The following ARMC2 variants were observed in gnomAD, a reference collection of about 807,000 sequenced individuals.
ARMC2 encodes armadillo repeat containing 2.
A neutral mutation model predicts 90.3 loss-of-function variants in ARMC2; 67 were observed. That is an observed-to-expected ratio of 0.74 (90% CI 0.61 to 0.91). The LOEUF is 0.91. Among genes scored for constraint, ARMC2 ranks in the 40% least tolerant of loss-of-function variants. The pLI is 0.00. For synonymous variants in ARMC2, 393 were observed against 393.0 expected (o/e 1.00, Z 0.00); for missense variants, 920 against 1,030.9 (o/e 0.89, Z 1.47).
Position 108,964,075 on chromosome 6 carries a change from C to G in ARMC2, c.2153-105C>G, listed in dbSNP as rs149673276. On this transcript the variant is annotated intron_variant, in intron 15 of 17. Transcript: ENST00000392644. ...TGAGTTAAGTCCCTTAACAGGGGTT[C>G]TGGGTTTGCAAGCCACTCCCCGTTT... is the stretch of plus-strand genomic sequence containing the variant. 7 of 1,271,052 alleles carry G rather than the reference C, an allele frequency of 5.5e-6. No homozygotes were observed. The Admixed American group carries it at 1.4e-4, about 26-fold the overall frequency. 78.7% of individuals were successfully genotyped at this position (1,271,052 alleles called of 1,614,324 possible).
At chr6:108,989,927 T>C in the ARMC2 span, among the ~76,000 whole-genome samples, 2 of 152,190 alleles carry the variant, frequency 1.3e-5, no homozygotes, top group South Asian at 2.1e-4. Flanking sequence ...CTAAAGTCAA[T>C]AGTCTGGCTA....
chr6:108,894,760 CTTT>C (rs1046472191), intron 6 of ARMC2, among the ~76,000 whole-genome samples: 1 of 103,378 alleles, frequency 9.7e-6, no homozygotes. Flanking sequence ...AGATGACAGT[CTTT>C]TTTTTTTTTT....
the ARMC2 span, among the ~76,000 whole-genome samples, chr6:108,999,360 A>C: frequency 6.6e-6 from 1 of 152,286 alleles, no homozygotes; most frequent in East Asian, 1.9e-4. Flanking sequence ...ATATATTCAA[A>C]TCTTGTATCT....
At chr6:109,046,051 A>T in the ARMC2 span, among the ~76,000 whole-genome samples, 2 of 152,228 alleles carry the variant, frequency 1.3e-5, no homozygotes, top group Non-Finnish European at 2.9e-5. Flanking sequence ...AAAAAATATT[A>T]TATTTACAAG....
intron 5 of ARMC2, among the ~76,000 whole-genome samples, chr6:108,888,929 C>A (rs1016947425): frequency 5.9e-5 from 9 of 152,236 alleles, no homozygotes; most frequent in African/African-American, 2.2e-4. Flanking sequence ...GTATAAGAAC[C>A]CATGACAGTT....
chr6:108,947,611 T>C (rs1432993574), intron 12 of ARMC2, among the ~76,000 whole-genome samples: 1 of 152,188 alleles, frequency 6.6e-6, no homozygotes, highest in African/African-American at 2.4e-5. Flanking sequence ...CCCATTCAGA[T>C]TGAGTAACTT....
chr6:109,033,046 AG>A, the ARMC2 span, among the ~76,000 whole-genome samples: 2 of 152,172 alleles, frequency 1.3e-5, no homozygotes, highest in Admixed American at 1.3e-4. Context: ...ATTATGTTAA[AG>A]GTACAGACAA....
chr6:108,912,803 G>A (rs1773572523), intron 10 of ARMC2, among the ~76,000 whole-genome samples: 1 of 152,342 alleles, frequency 6.6e-6, no homozygotes, highest in African/African-American at 2.4e-5. Flanking sequence ...GCCCTGCAGA[G>A]AAAGCAGGCC....
At chr6:109,051,645 A>C in the ARMC2 span, among the ~76,000 whole-genome samples, 1 of 152,350 alleles carries the variant, frequency 6.6e-6, no homozygotes, top group African/African-American at 2.4e-5. Context: ...GATAAAAATG[A>C]TAAATCATTA....
At chr6:109,050,875 G>A in the ARMC2 span, among the ~76,000 whole-genome samples, 1 of 152,154 alleles carries the variant, frequency 6.6e-6, no homozygotes. Context: ...AGCAAAGGAA[G>A]GCAAGAAGGA....
At chr6:108,939,217 T>C (rs777639938) in intron 12 of ARMC2, among the ~76,000 whole-genome samples, 1 of 152,224 alleles carries the variant, frequency 6.6e-6, no homozygotes, top group Non-Finnish European at 1.5e-5. Flanking sequence ...GCAAAACTCA[T>C]GTTTAAGAAA....
At chr6:108,937,122 A>G (rs1361374450) in intron 12 of ARMC2, 123 bp downstream of exon 12, 2 of 832,192 alleles carry the variant, frequency 2.4e-6, no homozygotes, top group Non-Finnish European at 3.7e-6. Flanking sequence ...CATTAAATGT[A>G]TAATGGGCTG....
the ARMC2 span, among the ~76,000 whole-genome samples, chr6:109,010,083 A>G: frequency 6.6e-6 from 1 of 152,192 alleles, no homozygotes; most frequent in Admixed American, 6.5e-5. Flanking sequence ...CGTAAAAGCT[A>G]TAAATATCAC....
the ARMC2 span, chr6:108,990,629 C>T: frequency 1.9e-6 from 3 of 1,612,330 alleles, no homozygotes; most frequent in African/African-American, 2.7e-5. Flanking sequence ...TTTATAAACA[C>T]AGAAAGAAGA....
At chr6:108,875,028 A>G (rs1429299691) in intron 4 of ARMC2, among the ~76,000 whole-genome samples, 1 of 152,100 alleles carries the variant, frequency 6.6e-6, no homozygotes, top group Non-Finnish European at 1.5e-5. Context: ...AAATCTTGCA[A>G]AACAGTAAGT....
the ARMC2 span, chr6:108,986,844 T>C: frequency 6.6e-6 from 1 of 152,226 alleles, no homozygotes; most frequent in African/African-American, 2.4e-5. Flanking sequence ...CACACTTTCA[T>C]TTAGGATTGC....
the ARMC2 span, among the ~76,000 whole-genome samples, chr6:109,042,367 A>G: frequency 2.0e-5 from 3 of 151,960 alleles, no homozygotes; most frequent in Non-Finnish European, 2.9e-5. Context: ...ACATCAATGA[A>G]TTTGAAAACA....
At chr6:108,907,700 C>T in intron 8 of ARMC2, 4 of 1,608,242 alleles carry the variant, frequency 2.5e-6, no homozygotes, top group African/African-American at 1.3e-5. Context: ...CATGGTAACC[C>T]CCGAGATGCT....
chr6:109,049,938 T>C, the ARMC2 span, among the ~76,000 whole-genome samples: 12 of 152,140 alleles, frequency 7.9e-5, no homozygotes, highest in Admixed American at 4.6e-4. Context: ...GTTTGAAACA[T>C]AGGCAACAGC....
Sources: gnomAD v4.1 joint callset for allele counts (sites outside exome capture counted in the v4.1 genomes callset) on GRCh38, gnomAD v4.1.1 for gene constraint, MANE v1.5 for transcripts, NCBI Gene and HGNC (gene_info 2026-07-23, HGNC 2026-07-21) for gene names.